CAPN13: variants seen among roughly 807,000 people sequenced by gnomAD.
CAPN13 encodes calpain-13.
A neutral mutation model predicts 98.4 loss-of-function variants in CAPN13; 90 were observed. The ratio of observed to expected loss-of-function variants is 0.92; its 90% CI spans 0.77 to 1.09. The LOEUF (loss-of-function observed/expected upper bound fraction) is 1.09. Among genes scored for constraint, CAPN13 ranks in the 50% least tolerant of loss-of-function variants. CAPN13 has a pLI of 0.00. For missense variants in CAPN13, 887 were observed against 841.3 expected (o/e 1.05, Z -0.67); for synonymous variants, 330 against 305.5 (o/e 1.08, Z -0.84).
At chr2:30,800,550 C>G (rs1370174930) in intron 1 of CAPN13, among the ~76,000 whole-genome samples, 1 of 152,178 alleles carries the variant, frequency 6.6e-6, no homozygotes, top group Non-Finnish European at 1.5e-5. Context: ...ACGTCGCTCC[C>G]TCCCCTAGCC....
chr2:30,741,583 A>C (rs1671657994), intron 15 of CAPN13: 1 of 1,088,944 alleles, frequency 9.2e-7, no homozygotes, highest in Non-Finnish European at 1.1e-6. Context: ...CGAGTAGGAG[A>C]AGGAAAGGTT....
intron 1 of CAPN13, among the ~76,000 whole-genome samples, chr2:30,791,044 G>A (rs1247001974): frequency 6.6e-6 from 1 of 152,054 alleles, no homozygotes; most frequent in Non-Finnish European, 1.5e-5. Context: ...TTGGGGGAGG[G>A]GGACGGTACA....
chr2:30,782,114 C>G (rs1674012560), intron 2 of CAPN13, among the ~76,000 whole-genome samples: 1 of 152,144 alleles, frequency 6.6e-6, no homozygotes. Flanking sequence ...AAAATACGCT[C>G]TCTGATGTGA....
intron 22 of CAPN13, among the ~76,000 whole-genome samples, chr2:30,723,573 A>G (rs1215344143): frequency 6.6e-6 from 1 of 152,018 alleles, no homozygotes; most frequent in Non-Finnish European, 1.5e-5. Context: ...TGTTCCTCCC[A>G]TCTCCAGGCA....
chr2:30,794,842 C>T (rs561998268), intron 1 of CAPN13, among the ~76,000 whole-genome samples: 1 of 151,854 alleles, frequency 6.6e-6, no homozygotes, highest in East Asian at 1.9e-4. Flanking sequence ...ACTAATGTAC[C>T]ATGACAGAAA....
intron 1 of CAPN13, among the ~76,000 whole-genome samples, chr2:30,795,285 G>A (rs577326994): frequency 2.0e-4 from 31 of 151,982 alleles, no homozygotes; most frequent in Non-Finnish European, 2.8e-4. Flanking sequence ...ATATTACAAG[G>A]AGTAGAATTT....
chr2:30,757,955 G>T, intron 8 of CAPN13, 91 bp downstream of exon 8: 1 of 936,634 alleles, frequency 1.1e-6, no homozygotes, highest in Non-Finnish European at 1.6e-6. Flanking sequence ...GAGATGCGCA[G>T]TGGCTAGATA....
At chr2:30,738,538 C>T (rs927031727) in intron 15 of CAPN13, 81 bp from the exon 16 acceptor site, 3 of 1,418,536 alleles carry the variant, frequency 2.1e-6, no homozygotes, top group African/African-American at 2.8e-5. Context: ...TGTAAAAGCA[C>T]TCAGATTTCC....
At chr2:30,781,771 C>G (rs904509232) in intron 2 of CAPN13, among the ~76,000 whole-genome samples, 1 of 152,082 alleles carries the variant, frequency 6.6e-6, no homozygotes, top group African/African-American at 2.4e-5. Context: ...GTGAGCCAAT[C>G]CCTCCTAGTA....
intron 10 of CAPN13, among the ~76,000 whole-genome samples, chr2:30,751,919 CA>C (rs1238257905): frequency 1.3e-5 from 2 of 152,232 alleles, no homozygotes; most frequent in Non-Finnish European, 2.9e-5. Context: ...GGTGCTCGAT[CA>C]CTGGCTCTCT....
chr2:30,769,775 C>G (rs932269471), intron 5 of CAPN13, among the ~76,000 whole-genome samples: 1 of 152,174 alleles, frequency 6.6e-6, no homozygotes, highest in Non-Finnish European at 1.5e-5. Context: ...CTGCCCCACC[C>G]CCACACATAA....
At chr2:30,734,248 G>A (rs1401520199) in intron 19 of CAPN13, among the ~76,000 whole-genome samples, 2 of 152,218 alleles carry the variant, frequency 1.3e-5, no homozygotes, top group Non-Finnish European at 2.9e-5. Context: ...TGGCACGTGA[G>A]AACTCAGACA....
chr2:30,745,905 T>C lies in CAPN13; in HGVS notation c.1237-171A>G, dbSNP rs568075039. Among the ~76,000 whole-genome samples the C allele has an allele frequency of 4.9e-5, 7 of 142,934 alleles. No homozygotes were observed. The South Asian group carries it at 1.7e-3, about 34-fold the overall frequency. The allele number at this position is 142,934 out of a possible 152,430, so 93.8% of individuals were successfully genotyped here. ...TTATGCCATAAAGCATTTTTTTTTT[T>C]TTTTTTTTTTTTTGAGATGGAGTCT... On this transcript the variant is annotated intron_variant, in intron 11 of 22. Transcript: ENST00000295055.
intron 1 of CAPN13, among the ~76,000 whole-genome samples, chr2:30,787,703 C>T (rs543338706): frequency 2.2e-4 from 33 of 152,116 alleles, no homozygotes; most frequent in Non-Finnish European, 3.7e-4. Flanking sequence ...GCAGCAAGTG[C>T]GCAGAGGCCC....
intron 3 of CAPN13, 46 bp downstream of exon 3, chr2:30,777,521 C>T (rs372294038): frequency 5.3e-6 from 8 of 1,505,650 alleles, no homozygotes; most frequent in Non-Finnish European, 7.2e-6. Flanking sequence ...CACCACCCTC[C>T]ACCACTTCCT....
intron 1 of CAPN13, among the ~76,000 whole-genome samples, chr2:30,796,320 C>T (rs1484835630): frequency 6.6e-6 from 1 of 151,026 alleles, no homozygotes; most frequent in Non-Finnish European, 1.5e-5. Flanking sequence ...TGTGTGTAGA[C>T]TACATTGAGT....
rs1026831804 is a variant in CAPN13 at position 30,804,445 on chromosome 2, C to T, written c.-33+2857G>A. ...CTCGAACTCCTGACCTCAGGCAATC[C>T]GCCCACCTCGGCCTCCCAAAGTGCT... On this transcript the variant is annotated intron_variant, in intron 1 of 22. Coordinates refer to ENST00000295055, the MANE Select transcript of CAPN13 (RefSeq NM_144575.3). Among the ~76,000 whole-genome samples, 5 of 152,290 alleles carry T rather than the reference C, an allele frequency of 3.3e-5. 1 individual carries two copies. The South Asian group carries it at 6.2e-4, about 19-fold the overall frequency.
chr2:30,768,095 T>C (rs1673199202), intron 5 of CAPN13, among the ~76,000 whole-genome samples: 1 of 152,212 alleles, frequency 6.6e-6, no homozygotes, highest in African/African-American at 2.4e-5. Flanking sequence ...GCTCTGGCAC[T>C]TCCCTTGCCC....
At chr2:30,748,259 T>C (rs1672013252) in intron 11 of CAPN13, among the ~76,000 whole-genome samples, 1 of 152,212 alleles carries the variant, frequency 6.6e-6, no homozygotes. Flanking sequence ...CTTCTGCCTT[T>C]AGCCTTTTCT....
Sources: allele counts gnomAD v4.1 joint callset (sites outside exome capture counted in the v4.1 genomes callset), GRCh38; gene constraint gnomAD v4.1.1; transcripts MANE v1.5; gene names NCBI Gene and HGNC (gene_info 2026-07-23, HGNC 2026-07-21).